The following CPNE8 variants were observed in gnomAD, a reference collection of about 807,000 sequenced individuals.
CPNE8 encodes copine-8.
CPNE8 carries 45 observed loss-of-function variants against 81.5 expected under a neutral mutation model. That is an observed-to-expected ratio of 0.55 (90% CI 0.44 to 0.71). The LOEUF is 0.71. Among genes scored for constraint, CPNE8 ranks in the 30% least tolerant of loss-of-function variants. The pLI, the probability that CPNE8 is intolerant of heterozygous loss-of-function variation, is 0.00. For missense variants in CPNE8, 594 were observed against 672.1 expected, an observed-to-expected ratio of 0.88 and a Z score of 1.28; for synonymous variants, 252 against 226.3, an observed-to-expected ratio of 1.11 and a Z score of -1.02.
At chr12:38,742,390 G>A (rs1031056371) in intron 10 of CPNE8, among the ~76,000 whole-genome samples, 9 of 151,946 alleles carry the variant, frequency 5.9e-5, no homozygotes, top group Non-Finnish European at 1.0e-4. Context: ...GACATGGTTC[G>A]AAGCTGGAAA....
At position 38,793,352 on chromosome 12, in the gene CPNE8, ACACT is replaced by A. The variant is rs202134147; in HGVS notation, c.408-17055_408-17052del. Among the ~76,000 whole-genome samples, 553 of 151,778 alleles carry A rather than the reference ACACT, an allele frequency of 3.6e-3. 2 individuals carry two copies. The highest frequency in any genetic ancestry group is 0.012 in the African/African-American group (515 of 41,390). Reference sequence around the variant, plus strand: ...ATTACACACACACACACACACACACACACTGTTAGAACTAATAAACAAATTCAAA... The same window carrying A: ...ATTACACACACACACACACACACACAGTTAGAACTAATAAACAAATTCAAA... On this transcript the variant is annotated intron_variant, in intron 6 of 19. Coordinates refer to ENST00000331366, the MANE Select transcript of CPNE8 (RefSeq NM_153634.3).
chr12:38,905,476 G>A lies in CPNE8; in HGVS notation c.59C>T (p.Ala20Val). Residue 20 changes from alanine (A) to valine (V), a missense_variant, in exon 1 of 20, where the codon GCC becomes GTC. By Grantham distance (64) the Ala-to-Val change is moderately conservative (BLOSUM62 0). Coordinates refer to ENST00000331366, the MANE Select transcript of CPNE8 (RefSeq NM_153634.3). ...CACCTCCACCCGCGTGGCCGGGATG[G>A]CAGCGCTCAGCTGGTTCAAGTCCCC... ...GIGDLNQLSA[A>V]IPATRVEVSV... 1 of 1,575,518 alleles carries A rather than the reference G, an allele frequency of 6.3e-7. No individual in the cohort carries two copies. The highest frequency in any genetic ancestry group is 8.6e-7 in the Non-Finnish European group (1 of 1,160,524).
intron 1 of CPNE8, among the ~76,000 whole-genome samples, chr12:38,880,285 T>C (rs2137119758): frequency 6.6e-6 from 1 of 152,382 alleles, no homozygotes; most frequent in African/African-American, 2.4e-5. Flanking sequence ...TCTGGACCAC[T>C]GATAGCCTGC....
chr12:38,901,005 T>C (rs1944454171), intron 1 of CPNE8, among the ~76,000 whole-genome samples: 1 of 152,168 alleles, frequency 6.6e-6, no homozygotes, highest in African/African-American at 2.4e-5. Context: ...GCAGATCACT[T>C]GAGGTCAAGA....
chr12:38,773,913 A>G (rs1941864306), intron 7 of CPNE8, among the ~76,000 whole-genome samples: 1 of 152,164 alleles, frequency 6.6e-6, no homozygotes, highest in Admixed American at 6.5e-5. Context: ...ATCAGGACAT[A>G]GAAAACATAA....
chr12:38,695,800 G>T (rs1208945892), intron 14 of CPNE8, among the ~76,000 whole-genome samples: 1 of 152,076 alleles, frequency 6.6e-6, no homozygotes, highest in East Asian at 1.9e-4. Context: ...TCAGCTGGGT[G>T]TGGTGGCATG....
At chr12:38,748,562 G>A (rs181771703) in intron 10 of CPNE8, among the ~76,000 whole-genome samples, 1,836 of 151,674 alleles carry the variant, frequency 0.012, 27 homozygotes, top group Middle Eastern at 0.041. Flanking sequence ...GTGCAGTGGC[G>A]TGATCGCAGC....
intron 10 of CPNE8, among the ~76,000 whole-genome samples, chr12:38,746,998 G>A (rs1293773456): frequency 6.6e-6 from 1 of 152,218 alleles, no homozygotes; most frequent in East Asian, 1.9e-4. Context: ...GTGATCTGCA[G>A]GCCACCTCAG....
chr12:38,871,549 A>T (rs1298899797), intron 3 of CPNE8, among the ~76,000 whole-genome samples: 1 of 152,208 alleles, frequency 6.6e-6, no homozygotes, highest in East Asian at 1.9e-4. Context: ...AAAAGGGGGC[A>T]TATACTAAGG....
chr12:38,841,864 A>T (rs938819408), intron 4 of CPNE8, among the ~76,000 whole-genome samples: 1 of 152,164 alleles, frequency 6.6e-6, no homozygotes, highest in Non-Finnish European at 1.5e-5. Context: ...CACAGGGAGA[A>T]GCAGAAAGAT....
At chr12:38,798,073 T>C (rs1041351861) in intron 6 of CPNE8, among the ~76,000 whole-genome samples, 3 of 152,142 alleles carry the variant, frequency 2.0e-5, no homozygotes, top group African/African-American at 4.8e-5. Context: ...CTACGTCTCA[T>C]TGGTGTACCT....
At chr12:38,666,139 A>T (rs1939052273) in intron 19 of CPNE8, among the ~76,000 whole-genome samples, 2 of 152,176 alleles carry the variant, frequency 1.3e-5, no homozygotes, top group African/African-American at 4.8e-5. Context: ...CTTATCCAGG[A>T]TCAGCTCTGA....
chr12:38,875,786 A>T (rs1944057539), intron 1 of CPNE8, among the ~76,000 whole-genome samples: 1 of 152,258 alleles, frequency 6.6e-6, no homozygotes, highest in Non-Finnish European at 1.5e-5. Context: ...AAATCAGATT[A>T]GAAGACCACT....
intron 5 of CPNE8, among the ~76,000 whole-genome samples, chr12:38,837,252 G>A (rs1943398007): frequency 2.1e-5 from 3 of 142,618 alleles, no homozygotes; most frequent in South Asian, 2.3e-4. Context: ...ACAGAAAGTG[G>A]TTAACCATGC....
intron 19 of CPNE8, among the ~76,000 whole-genome samples, chr12:38,662,081 T>A (rs1484926589): frequency 6.6e-6 from 1 of 152,120 alleles, no homozygotes; most frequent in Non-Finnish European, 1.5e-5. Context: ...AAACTTTTCC[T>A]CAAAGAACTT....
intron 6 of CPNE8, among the ~76,000 whole-genome samples, chr12:38,808,770 A>T (rs1036325438): frequency 2.1e-4 from 30 of 145,566 alleles, no homozygotes; most frequent in South Asian, 1.5e-3. Context: ...AAAATAAAAT[A>T]AAAAAAAGAC....
At chr12:38,838,784 C>T (rs563598099) in intron 5 of CPNE8, among the ~76,000 whole-genome samples, 73 of 152,132 alleles carry the variant, frequency 4.8e-4, no homozygotes, top group Non-Finnish European at 9.1e-4. Context: ...CTTCATAACA[C>T]AAATAAATCT....
chr12:38,663,774 C>A (rs1210036695), intron 19 of CPNE8, among the ~76,000 whole-genome samples: 3 of 152,062 alleles, frequency 2.0e-5, no homozygotes, highest in Non-Finnish European at 2.9e-5. Flanking sequence ...CATATGCACA[C>A]AATGAAATAC....
At chr12:38,794,277 A>T (rs2136936439) in intron 6 of CPNE8, among the ~76,000 whole-genome samples, 1 of 152,306 alleles carries the variant, frequency 6.6e-6, no homozygotes, top group South Asian at 2.1e-4. Context: ...ACAGAATGGG[A>T]GAAAATATTT....
Sources: gnomAD v4.1 joint callset for allele counts (sites outside exome capture counted in the v4.1 genomes callset) on GRCh38, gnomAD v4.1.1 for gene constraint, MANE v1.5 for transcripts, NCBI Gene and HGNC (gene_info 2026-07-23, HGNC 2026-07-21) for gene names.